Variants in CHSY3 observed in about 807,000 individuals in gnomAD.
The protein encoded by CHSY3 is N-acetylgalactosaminyl-proteoglycan 3-beta-glucuronosyltransferase 3.
In CHSY3, 35 loss-of-function variants were observed where a neutral mutation model predicts 67.2. The ratio of observed to expected loss-of-function variants is 0.52; its 90% CI spans 0.40 to 0.69. CHSY3 has a LOEUF of 0.69. CHSY3 is among the 30% of genes least tolerant of loss of function. The probability of loss-of-function intolerance (pLI) is 0.00; values close to 1 mark genes in which losing one functional copy is unlikely to be tolerated. For missense variants in CHSY3, 1,069 were observed against 1,138.5 expected, an observed-to-expected ratio of 0.94 and a Z score of 0.88; for synonymous variants, 474 against 434.7, an observed-to-expected ratio of 1.09 and a Z score of -1.12.
At chr5:129,913,246 T>C (rs1199032591) in intron 2 of CHSY3, among the ~76,000 whole-genome samples, 1 of 152,250 alleles carries the variant, frequency 6.6e-6, no homozygotes, top group African/African-American at 2.4e-5. Flanking sequence ...TTCACGTTTA[T>C]TTTCCCTGCC....
At chr5:130,141,863 C>T in intron 2 of CHSY3, 1 of 282,632 alleles carries the variant, frequency 3.5e-6, no homozygotes, top group South Asian at 3.2e-5. Context: ...ACAGGAGGCA[C>T]ACCAGAAGGA....
At chr5:129,914,282 G>C (rs1006518528) in intron 2 of CHSY3, among the ~76,000 whole-genome samples, 1 of 152,040 alleles carries the variant, frequency 6.6e-6, no homozygotes, top group Non-Finnish European at 1.5e-5. Context: ...AGCTAACTTT[G>C]TATTTTTTTT....
chr5:130,143,925 T>C (rs935400518), intron 2 of CHSY3, among the ~76,000 whole-genome samples: 11 of 147,734 alleles, frequency 7.4e-5, no homozygotes, highest in Non-Finnish European at 1.6e-4. Flanking sequence ...ACTAACTGCA[T>C]ATGAAAGTAA....
At chr5:130,061,647 G>A (rs2149676841) in intron 2 of CHSY3, among the ~76,000 whole-genome samples, 1 of 152,088 alleles carries the variant, frequency 6.6e-6, no homozygotes, top group East Asian at 1.9e-4. Context: ...ATATTTGCAA[G>A]TTATACCTGT....
intron 2 of CHSY3, among the ~76,000 whole-genome samples, chr5:129,979,519 C>T (rs1433785611): frequency 2.6e-5 from 4 of 152,026 alleles, no homozygotes; most frequent in African/African-American, 4.8e-5. Context: ...CATGTATCTC[C>T]GACCTCTACA....
intron 2 of CHSY3, among the ~76,000 whole-genome samples, chr5:129,916,152 A>T (rs2149579459): frequency 6.6e-6 from 1 of 152,330 alleles, no homozygotes; most frequent in Middle Eastern, 3.4e-3. Flanking sequence ...CCCTTCAAGG[A>T]TGTTATGTCT....
chr5:130,066,181 C>T (rs778578930), intron 2 of CHSY3, among the ~76,000 whole-genome samples: 1 of 152,068 alleles, frequency 6.6e-6, no homozygotes. Flanking sequence ...TCATGTATCT[C>T]TTTCATTTGT....
intron 2 of CHSY3, among the ~76,000 whole-genome samples, chr5:130,162,329 G>A (rs958080046): frequency 6.6e-6 from 1 of 151,940 alleles, no homozygotes; most frequent in Non-Finnish European, 1.5e-5. Flanking sequence ...CTTCATACAA[G>A]CATTGTACAT....
intron 2 of CHSY3, among the ~76,000 whole-genome samples, chr5:130,155,450 A>C (rs1392056524): frequency 6.6e-6 from 1 of 152,150 alleles, no homozygotes; most frequent in Non-Finnish European, 1.5e-5. Context: ...CACAGGAATG[A>C]AGTGTTTATT....
intron 2 of CHSY3, among the ~76,000 whole-genome samples, chr5:129,961,394 T>C (rs1484303914): frequency 6.6e-6 from 1 of 152,056 alleles, no homozygotes; most frequent in Non-Finnish European, 1.5e-5. Context: ...GTGTGAACTT[T>C]TCAAATTGAA....
intron 2 of CHSY3, among the ~76,000 whole-genome samples, chr5:130,159,839 A>C (rs898496972): frequency 6.6e-6 from 1 of 152,212 alleles, no homozygotes; most frequent in African/African-American, 2.4e-5. Context: ...CATCCAAGGC[A>C]ATCAGTTACT....
intron 2 of CHSY3, among the ~76,000 whole-genome samples, chr5:129,913,294 T>C (rs1190250992): frequency 2.0e-5 from 3 of 152,198 alleles, no homozygotes; most frequent in Admixed American, 2.0e-4. Context: ...TCTTTTGAAC[T>C]AGATAATGCA....
At chr5:129,916,212 A>G (rs909027718) in intron 2 of CHSY3, among the ~76,000 whole-genome samples, 1 of 152,218 alleles carries the variant, frequency 6.6e-6, no homozygotes, top group Non-Finnish European at 1.5e-5. Context: ...TGAGATATGC[A>G]TATTCTCTGG....
At chr5:130,087,625 A>C (rs981034551) in intron 2 of CHSY3, among the ~76,000 whole-genome samples, 1 of 151,948 alleles carries the variant, frequency 6.6e-6, no homozygotes, top group Non-Finnish European at 1.5e-5. Context: ...CAATTGCTTC[A>C]AAGAGAATAA....
At chr5:129,973,018 G>T (rs1762689327) in intron 2 of CHSY3, among the ~76,000 whole-genome samples, 1 of 151,864 alleles carries the variant, frequency 6.6e-6, no homozygotes, top group African/African-American at 2.4e-5. Context: ...GCCTTGTGTT[G>T]CTCTCATATT....
chr5:130,009,326 GA>G (rs1272709572), intron 2 of CHSY3, among the ~76,000 whole-genome samples: 3 of 151,648 alleles, frequency 2.0e-5, no homozygotes, highest in Non-Finnish European at 4.4e-5. Flanking sequence ...CATCGCTAAA[GA>G]AAAAAAATTC....
intron 1 of CHSY3, among the ~76,000 whole-genome samples, chr5:129,906,275 A>G (rs1484697384): frequency 3.3e-5 from 5 of 151,966 alleles, no homozygotes; most frequent in Admixed American, 2.6e-4. Context: ...TCCAGCCGCT[A>G]CAGTTCAGCA....
intron 2 of CHSY3, among the ~76,000 whole-genome samples, chr5:130,065,712 G>A (rs1765861930): frequency 6.6e-6 from 1 of 152,052 alleles, no homozygotes; most frequent in Non-Finnish European, 1.5e-5. Context: ...AGACAAAGTT[G>A]TATTTCTAGT....
chr5:129,942,699 A>G (rs73785819), intron 2 of CHSY3, among the ~76,000 whole-genome samples: 80 of 152,342 alleles, frequency 5.3e-4, no homozygotes, highest in African/African-American at 1.9e-3. Flanking sequence ...TTCTGATTTC[A>G]AAGCCTATTA....
Sources: allele counts gnomAD v4.1 joint callset (sites outside exome capture counted in the v4.1 genomes callset), GRCh38; gene constraint gnomAD v4.1.1; transcripts MANE v1.5; gene names NCBI Gene and HGNC (gene_info 2026-07-23, HGNC 2026-07-21).